Variants in DCTN5 observed in about 807,000 individuals in gnomAD.
DCTN5 encodes the protein dynactin 4.
A neutral mutation model predicts 23.5 loss-of-function variants in DCTN5; 14 were observed. The ratio of observed to expected loss-of-function variants is 0.60; its 90% CI spans 0.39 to 0.93. The LOEUF (loss-of-function observed/expected upper bound fraction) is 0.93. Among genes scored for constraint, DCTN5 ranks in the 40% least tolerant of loss-of-function variants. The probability of loss-of-function intolerance (pLI) is 0.00; values close to 1 mark genes in which losing one functional copy is unlikely to be tolerated. For synonymous variants in DCTN5, 67 were observed against 79.6 expected (o/e 0.84, Z 0.84); for missense variants, 156 against 225.9 (o/e 0.69, Z 1.98).
chr16:23,666,793 T>C (rs1425712741), intron 5 of DCTN5: 1 of 521,360 alleles, frequency 1.9e-6, no homozygotes, highest in Non-Finnish European at 3.4e-6. Flanking sequence ...ATTTGGCCAT[T>C]CTACCGTGTC....
chr16:23,655,149 A>G (rs1474151811), intron 2 of DCTN5, among the ~76,000 whole-genome samples: 1 of 152,160 alleles, frequency 6.6e-6, no homozygotes, highest in Non-Finnish European at 1.5e-5. Flanking sequence ...TGCATATAGT[A>G]GCAGATTATT....
intron 2 of DCTN5, among the ~76,000 whole-genome samples, chr16:23,646,713 A>G (rs757907082): frequency 6.6e-6 from 1 of 152,016 alleles, no homozygotes; most frequent in South Asian, 2.1e-4. Flanking sequence ...AGTAGCTGGG[A>G]TTACAGGCAT....
At chr16:23,658,133 G>T (rs1413729593) in intron 2 of DCTN5, among the ~76,000 whole-genome samples, 1 of 152,188 alleles carries the variant, frequency 6.6e-6, no homozygotes, top group East Asian at 1.9e-4. Context: ...AGAAGACAAA[G>T]GTAAAGCAGC....
At position 23,665,673 on chromosome 16, in the gene DCTN5, A is replaced by G; in HGVS notation, c.396A>G (p.Thr132=). ...ACTGCTGCAAAATTCTTGACAACAC[A>G]GTATTACCTCCAGAAACTGTGGTTC... ...LKDCCKILDN[T]VLPPETVVPP... The change falls in exon 5 of 6, where the codon ACA becomes ACG. Residue 132 remains threonine (T), a synonymous_variant. Coordinates refer to ENST00000300087, the MANE Select transcript of DCTN5 (RefSeq NM_032486.4). 1 of 1,614,186 alleles carries G rather than the reference A, an allele frequency of 6.2e-7. No homozygotes were observed. Among genetic ancestry groups the G allele is most frequent in the Non-Finnish European group, 8.5e-7 (1 of 1,180,020 alleles).
chr16:23,642,740 G>A (rs1967322981), intron 1 of DCTN5: 1 of 540,326 alleles, frequency 1.9e-6, no homozygotes, highest in Non-Finnish European at 3.3e-6. Context: ...GTCTGCCTCA[G>A]CCTCTCAAAG....
intron 2 of DCTN5, among the ~76,000 whole-genome samples, chr16:23,652,794 G>A (rs1006830489): frequency 1.3e-5 from 2 of 152,052 alleles, no homozygotes; most frequent in African/African-American, 2.4e-5. Flanking sequence ...TATAATAGAT[G>A]TACATATTTT....
chr16:23,661,992 G>T (rs975547496), intron 4 of DCTN5, among the ~76,000 whole-genome samples: 32 of 151,300 alleles, frequency 2.1e-4, no homozygotes, highest in Non-Finnish European at 4.3e-4. Context: ...AAGGCAGGAG[G>T]ATCCCTTGAG....
At position 23,676,119 on chromosome 16, in the gene DCTN5, G is replaced by A. The variant is rs1959222017; in HGVS notation, c.*8975G>A. 1 of 151,980 alleles carries A rather than the reference G, an allele frequency of 6.6e-6. No individual in the cohort carries two copies. Among genetic ancestry groups the A allele is most frequent in the African/African-American group, 2.4e-5 (1 of 41,312 alleles). 9.4% of individuals were successfully genotyped at this position (151,980 alleles called of 1,614,324 possible). ...ACTCTCATGATGTCCCCTCAGCCCT[G>A]GAAAGCATTTGGGTTAGCTTCCGCT... On this transcript the variant is annotated 3_prime_UTR_variant, in exon 6 of 6. Coordinates refer to ENST00000300087, the MANE Select transcript of DCTN5 (RefSeq NM_032486.4).
intron 2 of DCTN5, among the ~76,000 whole-genome samples, chr16:23,649,446 G>A (rs763727250): frequency 6.6e-6 from 1 of 152,012 alleles, no homozygotes; most frequent in Non-Finnish European, 1.5e-5. Flanking sequence ...CTCTGCTTTT[G>A]AAGTCTTACT....
chr16:23,658,400 CAG>C, intron 2 of DCTN5, 105 bp from the exon 3 acceptor site: 1 of 769,400 alleles, frequency 1.3e-6, no homozygotes, highest in Middle Eastern at 2.9e-4. Flanking sequence ...AACATTCTGT[CAG>C]AGTGGATTGT....
At chr16:23,653,991 C>T (rs770530539) in intron 2 of DCTN5, among the ~76,000 whole-genome samples, 87 of 152,206 alleles carry the variant, frequency 5.7e-4, no homozygotes, top group Non-Finnish European at 1.1e-3. Flanking sequence ...GAGATACCGT[C>T]TCACACCAGT....
At chr16:23,645,083 C>CTA (rs869302728) in intron 2 of DCTN5, among the ~76,000 whole-genome samples, 63 of 33,086 alleles carry the variant, frequency 1.9e-3, no homozygotes, top group Non-Finnish European at 2.4e-3. Context: ...CCCAGCCTAA[C>CTA]TATATATATA....
intron 2 of DCTN5, among the ~76,000 whole-genome samples, chr16:23,654,853 A>G (rs1967671143): frequency 6.6e-6 from 1 of 152,082 alleles, no homozygotes; most frequent in Non-Finnish European, 1.5e-5. Flanking sequence ...CGTGTGATAT[A>G]TGTCTTTCTG....
At chr16:23,649,555 G>C (rs931477190) in intron 2 of DCTN5, among the ~76,000 whole-genome samples, 4 of 151,974 alleles carry the variant, frequency 2.6e-5, no homozygotes, top group Non-Finnish European at 5.9e-5. Flanking sequence ...TTCATTTTAA[G>C]TTATAGACCA....
intron 4 of DCTN5, 74 bp downstream of exon 4, chr16:23,661,355 C>G: frequency 4.6e-6 from 5 of 1,080,612 alleles, no homozygotes; most frequent in Admixed American, 1.8e-5. Flanking sequence ...CGGTGGGACC[C>G]TGTTTCTGTG....
At chr16:23,643,088 C>A in intron 2 of DCTN5, 65 bp downstream of exon 2, 2 of 1,337,758 alleles carry the variant, frequency 1.5e-6, no homozygotes. Context: ...GTCACCACAG[C>A]AGGGCAGATA....
At chr16:23,661,384 G>T in intron 4 of DCTN5, 103 bp downstream of exon 4, 1 of 772,786 alleles carries the variant, frequency 1.3e-6, no homozygotes, top group Non-Finnish European at 2.1e-6. Flanking sequence ...GGGTAGCAGT[G>T]GTTTCCAGTC....
In DCTN5 at chr16:23,645,061, T is replaced by C. The variant is rs757036538; in HGVS notation, c.117+2038T>C. Among the ~76,000 whole-genome samples the C allele has an allele frequency of 8.4e-4, 102 of 121,730 alleles. 2 individuals are homozygous for C. The highest frequency in any genetic ancestry group is 1.7e-3 in the Admixed American group (18 of 10,770). 79.9% of individuals were successfully genotyped at this position (121,730 alleles called of 152,430 possible). A position where few individuals can be genotyped will look rare whatever the true frequency, so the allele number is the denominator to read the frequency against. On this transcript the variant is annotated intron_variant, in intron 2 of 5. Transcript: ENST00000300087. ...TCTCAAAGTACTGGGATTACAAGTG[T>C]GAGCCACTGCACCCAGCCTAACTAT...
At chr16:23,667,022 T>C in intron 5 of DCTN5, 25 bp from the exon 6 acceptor site, 10 of 1,613,568 alleles carry the variant, frequency 6.2e-6, no homozygotes, top group Non-Finnish European at 8.5e-6. Flanking sequence ...TCAAGCTCCT[T>C]AGAGCTGGGT....
Sources: allele counts gnomAD v4.1 joint callset (sites outside exome capture counted in the v4.1 genomes callset), GRCh38; gene constraint gnomAD v4.1.1; transcripts MANE v1.5; gene names NCBI Gene and HGNC (gene_info 2026-07-23, HGNC 2026-07-21).